The following CCDC171 variants were observed in gnomAD, a reference collection of about 807,000 sequenced individuals.
The protein encoded by CCDC171 is coiled-coil domain-containing protein 171.
A neutral mutation model predicts 168.2 loss-of-function variants in CCDC171; 177 were observed. The ratio of observed to expected loss-of-function variants is 1.05; its 90% CI spans 0.93 to 1.19. CCDC171 has a LOEUF of 1.19. Ranked by LOEUF, CCDC171 falls within the 50% of genes most tolerant of loss-of-function variation. The pLI, the probability that CCDC171 is intolerant of heterozygous loss-of-function variation, is 0.00. For missense variants in CCDC171, 1,991 were observed against 1,539.0 expected, an observed-to-expected ratio of 1.29 and a Z score of -4.91; for synonymous variants, 687 against 540.8, an observed-to-expected ratio of 1.27 and a Z score of -3.75.
At chr9:15,809,246 A>G (rs987197117) in intron 21 of CCDC171, among the ~76,000 whole-genome samples, 7 of 152,342 alleles carry the variant, frequency 4.6e-5, no homozygotes, top group Non-Finnish European at 8.8e-5. Context: ...TGCAATGAAT[A>G]GTATTTTCAA....
intron 24 of CCDC171, among the ~76,000 whole-genome samples, chr9:15,912,974 A>G (rs1024107210): frequency 3.3e-5 from 5 of 152,204 alleles, no homozygotes; most frequent in African/African-American, 9.7e-5. Context: ...GTTGATATTC[A>G]TCAGGGATAT....
rs78062732 is a variant in CCDC171, at chr9:15,785,757, G to C, written c.3267+1063G>C. On this transcript the variant is annotated intron_variant, in intron 21 of 25. Transcript: ENST00000380701. ...ATCTAGGGAGTCAGATTTCACATCT[G>C]TCTTCCTAACCACCACATCATATGT... 4.3e-4 allele frequency among the ~76,000 whole-genome samples: 66 copies of C among 152,144 alleles called. No homozygotes were observed. In the East Asian group the frequency reaches 9.3e-3, roughly 21 times the overall value.
chr9:15,775,595 G>A (rs1399791433), intron 18 of CCDC171, among the ~76,000 whole-genome samples: 1 of 152,184 alleles, frequency 6.6e-6, no homozygotes, highest in East Asian at 1.9e-4. Context: ...TGGGATTACA[G>A]GAGTGAGCCA....
chr9:15,846,968 C>T, intron 22 of CCDC171, 121 bp downstream of exon 22: 4 of 754,522 alleles, frequency 5.3e-6, no homozygotes, highest in Admixed American at 3.1e-5. Flanking sequence ...AGCTGTCTTT[C>T]TTTGAAATTC....
intron 23 of CCDC171, among the ~76,000 whole-genome samples, chr9:15,870,968 A>G (rs1459174071): frequency 6.6e-6 from 1 of 151,218 alleles, no homozygotes; most frequent in Non-Finnish European, 1.5e-5. Flanking sequence ...AAATAAATAT[A>G]TTTCATGGAA....
At chr9:15,983,813 A>AGTGTGT (rs1491447704) in intron 3 of CCDC171, among the ~76,000 whole-genome samples, 9 of 43,382 alleles carry the variant, frequency 2.1e-4, no homozygotes, top group African/African-American at 1.2e-3. Flanking sequence ...AGCTAAATAA[A>AGTGTGT]GAGAGTGTGT....
At chr9:15,724,035 C>T (rs1372865098) in intron 13 of CCDC171, among the ~76,000 whole-genome samples, 1 of 152,036 alleles carries the variant, frequency 6.6e-6, no homozygotes, top group Non-Finnish European at 1.5e-5. Context: ...GATGAAATGT[C>T]CAGCCTTAGG....
intron 16 of CCDC171, among the ~76,000 whole-genome samples, chr9:15,738,528 A>G (rs1475396245): frequency 3.9e-5 from 6 of 152,188 alleles, no homozygotes; most frequent in Non-Finnish European, 7.4e-5. Context: ...TTATTTCAGT[A>G]CTAGGAATGC....
Position 15,663,598 on chromosome 9 carries a change from CT to C in CCDC171, c.916-2556del, listed in dbSNP as rs1364131390. Among the ~76,000 whole-genome samples the C allele has an allele frequency of 1.1e-4, 11 of 101,600 alleles. 1 individual carries two copies. The East Asian group carries it at 1.4e-3, about 13-fold the overall frequency. 66.7% of individuals were successfully genotyped at this position (101,600 alleles called of 152,430 possible). On this transcript the variant is annotated intron_variant, in intron 8 of 25. Transcript: ENST00000380701. ...TGTGGAGAACTACATAGAGAATTTT[CT>C]TTTTTTTTCTTTTTTTTTTTTTTTG...
chr9:15,994,649 C>T (rs1832313071), intron 3 of CCDC171, among the ~76,000 whole-genome samples: 1 of 152,194 alleles, frequency 6.6e-6, no homozygotes, highest in Non-Finnish European at 1.5e-5. Flanking sequence ...AGAATTCACA[C>T]TGCTCTAGTC....
intron 3 of CCDC171, among the ~76,000 whole-genome samples, chr9:16,017,073 T>C (rs980873707): frequency 6.6e-6 from 1 of 152,194 alleles, no homozygotes; most frequent in Non-Finnish European, 1.5e-5. Context: ...CAGTAAAAAC[T>C]TAACCACAAA....
chr9:15,944,050 C>T (rs1428931651), intron 25 of CCDC171, among the ~76,000 whole-genome samples: 2 of 152,036 alleles, frequency 1.3e-5, no homozygotes, highest in South Asian at 2.1e-4. Flanking sequence ...TTTTCTTTTG[C>T]AGTAATGTTG....
At chr9:15,762,494 A>G (rs2056502000) in intron 18 of CCDC171, among the ~76,000 whole-genome samples, 1 of 152,194 alleles carries the variant, frequency 6.6e-6, no homozygotes, top group African/African-American at 2.4e-5. Flanking sequence ...CAATTATGTT[A>G]TTAAAGAAAA....
intron 16 of CCDC171, among the ~76,000 whole-genome samples, chr9:15,741,920 A>T (rs1171218295): frequency 6.6e-6 from 1 of 152,174 alleles, no homozygotes; most frequent in African/African-American, 2.4e-5. Context: ...CAGTGTCTCT[A>T]TCTCTACCTG....
chr9:15,772,428 C>T (rs532251293), intron 18 of CCDC171, among the ~76,000 whole-genome samples: 2 of 152,192 alleles, frequency 1.3e-5, no homozygotes, highest in South Asian at 2.1e-4. Context: ...AAACATCTTA[C>T]TATAGTGTTT....
intron 7 of CCDC171, among the ~76,000 whole-genome samples, chr9:15,632,613 T>A (rs1186725517): frequency 6.6e-6 from 1 of 152,118 alleles, no homozygotes; most frequent in African/African-American, 2.4e-5. Flanking sequence ...AATTTATAGA[T>A]TCAATGCCAT....
chr9:16,044,241 A>G (rs1464467592), intron 1 of CCDC171, among the ~76,000 whole-genome samples: 1 of 152,202 alleles, frequency 6.6e-6, no homozygotes, highest in Non-Finnish European at 1.5e-5. Context: ...TTTGATTTAA[A>G]TATTTTGTTC....
intron 1 of CCDC171, among the ~76,000 whole-genome samples, chr9:15,561,203 TG>T (rs1487353308): frequency 6.6e-6 from 1 of 152,172 alleles, no homozygotes; most frequent in East Asian, 1.9e-4. Context: ...TTGGGGTTGG[TG>T]TAGAGTGAAA....
At chr9:15,748,903 A>C (rs1302417331) in intron 18 of CCDC171, among the ~76,000 whole-genome samples, 2 of 152,212 alleles carry the variant, frequency 1.3e-5, no homozygotes, top group East Asian at 3.8e-4. Flanking sequence ...AAGAAACTGC[A>C]TCAAGTAACG....
Sources: allele counts gnomAD v4.1 joint callset (sites outside exome capture counted in the v4.1 genomes callset), GRCh38; gene constraint gnomAD v4.1.1; transcripts MANE v1.5; gene names NCBI Gene and HGNC (gene_info 2026-07-23, HGNC 2026-07-21).